The following ZBTB16 variants were observed in gnomAD, a reference collection of about 807,000 sequenced individuals.
The protein encoded by ZBTB16 is zinc finger and BTB domain containing 16, also known as zinc finger and BTB domain-containing protein 16.
ZBTB16 carries 8 observed loss-of-function variants against 56.8 expected under a neutral mutation model. The ratio of observed to expected loss-of-function variants is 0.14; its 90% CI spans 0.08 to 0.25. The LOEUF (loss-of-function observed/expected upper bound fraction) is 0.25. Among genes scored for constraint, ZBTB16 ranks in the 10% least tolerant of loss-of-function variants. The pLI is 1.00. For synonymous variants in ZBTB16, 363 were observed against 368.5 expected, an observed-to-expected ratio of 0.98 and a Z score of 0.17; for missense variants, 625 against 903.0, an observed-to-expected ratio of 0.69 and a Z score of 3.95.
At chr11:114,172,637 G>C (rs1254656185) in intron 3 of ZBTB16, among the ~76,000 whole-genome samples, 1 of 152,190 alleles carries the variant, frequency 6.6e-6, no homozygotes, top group African/African-American at 2.4e-5. Flanking sequence ...GGTACAGATT[G>C]CACGTTTGCA....
At chr11:114,249,207 C>G (rs1944871739) in intron 6 of ZBTB16, among the ~76,000 whole-genome samples, 1 of 151,684 alleles carries the variant, frequency 6.6e-6, no homozygotes, top group African/African-American at 2.4e-5. Flanking sequence ...GCCTATAATC[C>G]CAGGACTTTG....
At chr11:114,127,437 C>T (rs1396521563) in intron 2 of ZBTB16, among the ~76,000 whole-genome samples, 2 of 152,188 alleles carry the variant, frequency 1.3e-5, no homozygotes, top group Admixed American at 6.5e-5. Flanking sequence ...TTCCAATGTA[C>T]ACTAAAGTTA....
intron 4 of ZBTB16, chr11:114,209,922 A>G (rs1465272583): frequency 2.3e-5 from 23 of 985,330 alleles, no homozygotes; most frequent in Non-Finnish European, 2.7e-5. Context: ...AGTCTCAGGA[A>G]TGCAGCCACA....
At chr11:114,197,443 TTCTC>T (rs1186628239) in intron 4 of ZBTB16, among the ~76,000 whole-genome samples, 4 of 152,138 alleles carry the variant, frequency 2.6e-5, no homozygotes, top group Non-Finnish European at 5.9e-5. Context: ...CACTCTCTGT[TTCTC>T]TCTCTTTGTC....
intron 4 of ZBTB16, among the ~76,000 whole-genome samples, chr11:114,221,879 T>C (rs895596884): frequency 1.3e-5 from 2 of 152,066 alleles, no homozygotes; most frequent in Non-Finnish European, 2.9e-5. Flanking sequence ...GGGAATAGGA[T>C]GAGTGAAATG....
chr11:114,130,236 G>A (rs1447344398), intron 2 of ZBTB16, among the ~76,000 whole-genome samples: 5 of 152,198 alleles, frequency 3.3e-5, no homozygotes, highest in Non-Finnish European at 7.3e-5. Flanking sequence ...CCAGGTGACC[G>A]CCTAGAGCCT....
intron 4 of ZBTB16, among the ~76,000 whole-genome samples, chr11:114,223,960 A>T (rs2846024): frequency 6.6e-6 from 1 of 152,112 alleles, no homozygotes; most frequent in Non-Finnish European, 1.5e-5. Context: ...AGTGGGGAGG[A>T]GGGCTAAGAT....
At chr11:114,171,407 T>C (rs1417418238) in intron 3 of ZBTB16, among the ~76,000 whole-genome samples, 1 of 152,190 alleles carries the variant, frequency 6.6e-6, no homozygotes, top group Admixed American at 6.5e-5. Context: ...GCCGGCTCAG[T>C]GGGCTGGGAA....
intron 3 of ZBTB16, among the ~76,000 whole-genome samples, chr11:114,167,232 G>GTTTTTTTTTTTTTTTTTTTTTTTTTTTTT (rs58946694): frequency 2.3e-5 from 2 of 88,710 alleles, no homozygotes; most frequent in Admixed American, 1.5e-4. Flanking sequence ...TTTTTTTTTG[G>GTTTTTTTTTTTTTTTTTTTTTTTTTTTTT]TTTTTTTTTT....
intron 2 of ZBTB16, among the ~76,000 whole-genome samples, chr11:114,106,128 T>C (rs1940779777): frequency 6.6e-6 from 1 of 152,152 alleles, no homozygotes; most frequent in Non-Finnish European, 1.5e-5. Flanking sequence ...AGCGGAGGGT[T>C]GTTAGGAGGA....
At chr11:114,141,575 A>G (rs1316100422) in intron 2 of ZBTB16, among the ~76,000 whole-genome samples, 1 of 152,234 alleles carries the variant, frequency 6.6e-6, no homozygotes, top group Non-Finnish European at 1.5e-5. Context: ...TCATTTATGT[A>G]CCTTCGCAGG....
At chr11:114,127,759 A>G (rs238888) in intron 2 of ZBTB16, among the ~76,000 whole-genome samples, 10,395 of 152,186 alleles carry the variant, frequency 0.068, 1,107 homozygotes, top group African/African-American at 0.23. Context: ...TGAATCTTCC[A>G]TCCACTGTTA....
chr11:114,205,744 G>A lies in ZBTB16; in HGVS notation c.1453+18706G>A, dbSNP rs76393329. Among the ~76,000 whole-genome samples, 1,369 of 152,306 alleles carry A rather than the reference G, an allele frequency of 9.0e-3. 20 individuals are homozygous for A. Among genetic ancestry groups the A allele is most frequent in the African/African-American group, 0.029 (1,195 of 41,576 alleles). On this transcript the variant is annotated intron_variant, in intron 4 of 6. Coordinates refer to ENST00000335953, the MANE Select transcript of ZBTB16 (RefSeq NM_006006.6). ...CTGCAGGTAGAGATAATGTGTTCAAGTATTAAGTATGTTTTAAAGGTAATT... is the reference window on the plus strand; with the variant it reads ...CTGCAGGTAGAGATAATGTGTTCAAATATTAAGTATGTTTTAAAGGTAATT...
chr11:114,159,942 G>GGAC (rs1555145912), intron 3 of ZBTB16, among the ~76,000 whole-genome samples: 1 of 148,012 alleles, frequency 6.8e-6, no homozygotes, highest in African/African-American at 2.5e-5. Context: ...GGAGGCGGGG[G>GGAC]GGAGGCGAGC....
intron 4 of ZBTB16, among the ~76,000 whole-genome samples, chr11:114,209,042 A>G (rs1943945896): frequency 6.6e-6 from 1 of 152,216 alleles, no homozygotes; most frequent in Non-Finnish European, 1.5e-5. Context: ...ATGGGATTTG[A>G]GAACCAACCA....
chr11:114,082,301 A>G (rs1440978901), intron 2 of ZBTB16, among the ~76,000 whole-genome samples: 1 of 151,938 alleles, frequency 6.6e-6, no homozygotes, highest in African/African-American at 2.4e-5. Context: ...AACAACAACA[A>G]CAACAGCAAC....
intron 2 of ZBTB16, among the ~76,000 whole-genome samples, chr11:114,105,440 G>A (rs184136832): frequency 4.6e-5 from 7 of 152,124 alleles, no homozygotes; most frequent in Non-Finnish European, 1.0e-4. Context: ...GGGTTTCGCC[G>A]TGTTGGCCAG....
intron 4 of ZBTB16, among the ~76,000 whole-genome samples, chr11:114,240,873 G>A (rs1020147543): frequency 2.0e-5 from 3 of 152,180 alleles, no homozygotes; most frequent in Non-Finnish European, 2.9e-5. Flanking sequence ...GTTGCCCATC[G>A]GGTTTAGGAT....
chr11:114,067,930 C>T (rs1939181473), intron 2 of ZBTB16, among the ~76,000 whole-genome samples: 1 of 151,798 alleles, frequency 6.6e-6, no homozygotes, highest in African/African-American at 2.4e-5. Flanking sequence ...CTCAAAACTC[C>T]AGGATTAATG....
Sources: gnomAD v4.1 joint callset for allele counts (sites outside exome capture counted in the v4.1 genomes callset) on GRCh38, gnomAD v4.1.1 for gene constraint, MANE v1.5 for transcripts, NCBI Gene and HGNC (gene_info 2026-07-23, HGNC 2026-07-21) for gene names.